The following MINDY3 variants were observed in gnomAD, a reference collection of about 807,000 sequenced individuals.
The protein encoded by MINDY3 is MINDY lysine 48 deubiquitinase 3.
A neutral mutation model predicts 69.2 loss-of-function variants in MINDY3; 38 were observed. That is an observed-to-expected ratio of 0.55 (90% CI 0.42 to 0.72). The LOEUF (loss-of-function observed/expected upper bound fraction) is 0.72. MINDY3 is among the 30% of genes least tolerant of loss of function. The pLI is 0.00. For missense variants in MINDY3, 522 were observed against 519.0 expected, an observed-to-expected ratio of 1.01 and a Z score of -0.06; for synonymous variants, 192 against 180.1, an observed-to-expected ratio of 1.07 and a Z score of -0.53.
intron 9 of MINDY3, chr10:15,818,019 G>C (rs1839490364): frequency 6.6e-6 from 1 of 152,204 alleles, no homozygotes; most frequent in Non-Finnish European, 1.5e-5. Context: ...AAGAATAAAA[G>C]AAAAGGAACA....
At chr10:15,818,927 G>A (rs1269728938) in intron 9 of MINDY3, among the ~76,000 whole-genome samples, 2 of 152,066 alleles carry the variant, frequency 1.3e-5, no homozygotes, top group Admixed American at 6.6e-5. Flanking sequence ...GCATTGCATC[G>A]TGAATATATT....
At chr10:15,811,133 A>G (rs1413937923) in intron 10 of MINDY3, among the ~76,000 whole-genome samples, 6 of 152,154 alleles carry the variant, frequency 3.9e-5, no homozygotes. Flanking sequence ...CTTCTAAAGG[A>G]AAGCAGGTTA....
At chr10:15,786,313 G>C (rs1836952897) in intron 13 of MINDY3, among the ~76,000 whole-genome samples, 2 of 152,046 alleles carry the variant, frequency 1.3e-5, no homozygotes, top group African/African-American at 4.8e-5. Context: ...CTTCCGAACT[G>C]TTCTCTCCGT....
chr10:15,841,625 T>C (rs987856582), intron 3 of MINDY3, 26 bp from the exon 4 acceptor site: 3 of 1,525,272 alleles, frequency 2.0e-6, no homozygotes, highest in Admixed American at 2.0e-5. Context: ...GCATAAGTTA[T>C]AATGGTTTCC....
At chr10:15,798,885 A>C (rs1173823443) in intron 10 of MINDY3, among the ~76,000 whole-genome samples, 1 of 152,174 alleles carries the variant, frequency 6.6e-6, no homozygotes, top group Non-Finnish European at 1.5e-5. Flanking sequence ...TGTGGTTCTG[A>C]ACAGGCTATA....
At chr10:15,824,093 C>T (rs915786951) in intron 8 of MINDY3, among the ~76,000 whole-genome samples, 4 of 152,170 alleles carry the variant, frequency 2.6e-5, no homozygotes, top group Admixed American at 1.3e-4. Context: ...AATTAGCATG[C>T]ACGTGCAGGT....
chr10:15,792,213 A>G (rs1837473123), intron 11 of MINDY3, among the ~76,000 whole-genome samples: 1 of 152,086 alleles, frequency 6.6e-6, no homozygotes, highest in African/African-American at 2.4e-5. Context: ...GTCACACACC[A>G]GAGCTGAGCT....
At chr10:15,835,804 G>A (rs940718637) in intron 6 of MINDY3, among the ~76,000 whole-genome samples, 22 of 151,976 alleles carry the variant, frequency 1.4e-4, no homozygotes, top group African/African-American at 5.3e-4. Flanking sequence ...TTCCAAATAG[G>A]TATTTATTTA....
chr10:15,846,931 G>C (rs530681733), intron 2 of MINDY3, among the ~76,000 whole-genome samples: 6 of 152,126 alleles, frequency 3.9e-5, no homozygotes, highest in African/African-American at 1.4e-4. Context: ...CACCATGTTA[G>C]CCAGGATGGC....
intron 10 of MINDY3, among the ~76,000 whole-genome samples, chr10:15,805,732 T>C (rs527415494): frequency 3.9e-5 from 6 of 152,248 alleles, no homozygotes; most frequent in Non-Finnish European, 7.4e-5. Flanking sequence ...AGTGCCACTA[T>C]CTGGTTTGGC....
Position 15,841,468 on chromosome 10 carries a change from A to G in MINDY3, c.367T>C (p.Ser123Pro), listed in dbSNP as rs1833463238. 6.2e-7 allele frequency: 1 copy of G among 1,611,760 alleles called. No individual in the cohort carries two copies. Among genetic ancestry groups the G allele is most frequent in the African/African-American group, 1.3e-5 (1 of 74,828 alleles). Reference protein sequence around the residue: ...GKTTEETASISGSPAESSCQV... With the variant: ...GKTTEETASIPGSPAESSCQV... ...CAACTAGACTCTGCAGGACTCCCAG[A>G]AATACTAGCAGTTTCCTCAGTTGTC... The change falls in exon 4 of 15, where the codon TCT becomes CCT. Residue 123 changes from serine to proline, a missense_variant. Coordinates refer to ENST00000277632, the MANE Select transcript of MINDY3 (RefSeq NM_024948.4).
At chr10:15,853,498 C>A (rs960385794) in intron 1 of MINDY3, among the ~76,000 whole-genome samples, 4 of 151,568 alleles carry the variant, frequency 2.6e-5, no homozygotes, top group Admixed American at 6.6e-5. Flanking sequence ...TAAAAAACAC[C>A]CCCATACCCT....
intron 8 of MINDY3, among the ~76,000 whole-genome samples, chr10:15,831,636 G>T (rs1341353225): frequency 6.6e-6 from 1 of 150,614 alleles, no homozygotes; most frequent in African/African-American, 2.4e-5. Context: ...AGGAAGTAAC[G>T]ACTTCACGTC....
At chr10:15,832,166 C>T (rs1044008986) in intron 8 of MINDY3, among the ~76,000 whole-genome samples, 19 of 152,142 alleles carry the variant, frequency 1.2e-4, no homozygotes, top group African/African-American at 4.6e-4. Context: ...TGATGAGTAC[C>T]AAGTGTGAGA....
intron 1 of MINDY3, among the ~76,000 whole-genome samples, chr10:15,848,291 C>T (rs1488049528): frequency 1.3e-5 from 2 of 151,894 alleles, no homozygotes; most frequent in African/African-American, 4.8e-5. Flanking sequence ...CTTTAAATAC[C>T]ATATCATTCT....
chr10:15,828,578 T>TA (rs57020273), intron 8 of MINDY3, among the ~76,000 whole-genome samples: 28,103 of 144,940 alleles, frequency 0.19, 2,679 homozygotes, highest in South Asian at 0.27. Flanking sequence ...AAGCTATAAG[T>TA]AAAAAAAAAA....
Position 15,833,617 on chromosome 10 carries a change from G to A in MINDY3, c.730+13C>T. 1 of 1,505,092 alleles carries A rather than the reference G, an allele frequency of 6.6e-7. No homozygotes were observed. The highest frequency in any genetic ancestry group is 9.2e-7 in the Non-Finnish European group (1 of 1,082,562). 93.2% of individuals were successfully genotyped at this position (1,505,092 alleles called of 1,614,324 possible). ...TTCATCAAAGAGAGCAACATAACAA[G>A]GAATATACTTACTCATTCCTGAGCA... On this transcript the variant is annotated intron_variant, in intron 8 of 14. Coordinates refer to ENST00000277632, the MANE Select transcript of MINDY3 (RefSeq NM_024948.4).
At chr10:15,836,915 G>A (rs778786488) in intron 6 of MINDY3, among the ~76,000 whole-genome samples, 8 of 151,964 alleles carry the variant, frequency 5.3e-5, no homozygotes, top group African/African-American at 1.7e-4. Flanking sequence ...AAGGGGTTAA[G>A]GGGTCAAGTG....
At chr10:15,835,295 T>A (rs1833001328) in intron 6 of MINDY3, among the ~76,000 whole-genome samples, 1 of 152,084 alleles carries the variant, frequency 6.6e-6, no homozygotes, top group African/African-American at 2.4e-5. Flanking sequence ...CCTCATCAAT[T>A]CCAGAAGGAC....
Sources: gnomAD v4.1 joint callset for allele counts (sites outside exome capture counted in the v4.1 genomes callset) on GRCh38, gnomAD v4.1.1 for gene constraint, MANE v1.5 for transcripts, NCBI Gene and HGNC (gene_info 2026-07-23, HGNC 2026-07-21) for gene names.